The following ICE1 variants were observed in gnomAD, a reference collection of about 807,000 sequenced individuals.
ICE1 encodes the protein interactor of little elongation complex ELL subunit 1.
ICE1 carries 64 observed loss-of-function variants against 192.7 expected under a neutral mutation model. The observed-to-expected ratio is 0.33, with a 90% CI of 0.27 to 0.41. The LOEUF is 0.41. Ranked by LOEUF, ICE1 falls within the 10% of genes least tolerant of loss-of-function variation. The probability of loss-of-function intolerance (pLI) is 1.00; values close to 1 mark genes in which losing one functional copy is unlikely to be tolerated. For missense variants in ICE1, 2,708 were observed against 2,696.0 expected, an observed-to-expected ratio of 1.00 and a Z score of -0.10; for synonymous variants, 1,010 against 984.5, an observed-to-expected ratio of 1.03 and a Z score of -0.49.
intron 7 of ICE1, among the ~76,000 whole-genome samples, chr5:5,445,435 A>G (rs1047160740): frequency 1.3e-5 from 2 of 152,054 alleles, no homozygotes; most frequent in Non-Finnish European, 2.9e-5. Flanking sequence ...TTTTTTATTT[A>G]TCATATTTTA....
chr5:5,428,464 A>C (rs142504370), intron 1 of ICE1, among the ~76,000 whole-genome samples: 33 of 152,336 alleles, frequency 2.2e-4, no homozygotes, highest in African/African-American at 7.5e-4. Context: ...GATTTTTAAA[A>C]ATAATTTATT....
At position 5,461,773 on chromosome 5, in the gene ICE1, G is replaced by A; in HGVS notation, c.2439G>A (p.Gln813=). 1 of 1,613,872 alleles carries A rather than the reference G, an allele frequency of 6.2e-7. No individual in the cohort carries two copies. The highest frequency in any genetic ancestry group is 8.5e-7 in the Non-Finnish European group (1 of 1,179,798). ...TGAGAGCCAAATCAGAACATGAACA[G>A]AAGACTAGCCATCAGTTACAAAAGG... ...ESLRAKSEHE[Q]KTSHQLQKAM... Residue 813 remains glutamine, a synonymous_variant, in exon 13 of 19, where the codon CAG becomes CAA. Transcript: ENST00000296564.
In ICE1 at chr5:5,462,441, A is replaced by G; in HGVS notation, c.3107A>G (p.Asn1036Ser). ...RSGGEALAVA[N>S]DSTSTPQNAN... Reference sequence around the variant, plus strand: ...GGTGGTGAGGCCCTGGCTGTTGCAAATGATTCTACCAGCACACCACAAAAT... The same window carrying G: ...GGTGGTGAGGCCCTGGCTGTTGCAAGTGATTCTACCAGCACACCACAAAAT... The change falls in exon 13 of 19, where the codon AAT becomes AGT. Residue 1036 changes from asparagine to serine, a missense_variant. Asn to Ser is a conservative substitution (Grantham distance 46). This residue lies in a region of ICE1 where 2,366 missense variants were observed against 2,276.6 expected (regional missense o/e 1.04). Coordinates refer to ENST00000296564, the MANE Select transcript of ICE1 (RefSeq NM_015325.3). 1 of 1,614,024 alleles carries G rather than the reference A, an allele frequency of 6.2e-7. No individual in the cohort carries two copies. The highest frequency in any genetic ancestry group is 8.5e-7 in the Non-Finnish European group (1 of 1,179,900).
In ICE1 at chr5:5,489,428, A is replaced by G. The variant is rs951725528; in HGVS notation, c.*98A>G. 25 of 1,103,446 alleles carry G rather than the reference A, an allele frequency of 2.3e-5. No homozygotes were observed. Among genetic ancestry groups the G allele is most frequent in the Non-Finnish European group, 2.8e-5 (22 of 789,864 alleles). The allele number at this position is 1,103,446 out of a possible 1,614,324, so 68.4% of individuals were successfully genotyped here. ...ATACAAAGGGAGGTTTCAAAACAAA[A>G]AGACATAAAATAGATAAAACAGACC... On this transcript the variant is annotated 3_prime_UTR_variant, in exon 19 of 19. Coordinates refer to ENST00000296564, the MANE Select transcript of ICE1 (RefSeq NM_015325.3).
intron 15 of ICE1, among the ~76,000 whole-genome samples, chr5:5,470,850 A>G (rs1467129486): frequency 1.3e-5 from 2 of 152,234 alleles, no homozygotes; most frequent in Non-Finnish European, 2.9e-5. Context: ...TATGCAAAGT[A>G]AAATCACAGT....
intron 1 of ICE1, among the ~76,000 whole-genome samples, chr5:5,428,426 C>T (rs1438730574): frequency 6.6e-6 from 1 of 151,994 alleles, no homozygotes; most frequent in Non-Finnish European, 1.5e-5. Context: ...CAGATCTCTC[C>T]CAGCAAAGCA....
rs1739731773 is a variant in ICE1, at chr5:5,489,546, G to T, written c.*216G>T. 8 of 451,122 alleles carry T rather than the reference G, an allele frequency of 1.8e-5. No individual in the cohort carries two copies. The highest frequency in any genetic ancestry group is 3.1e-5 in the Non-Finnish European group (8 of 258,402). The allele number at this position is 451,122 out of a possible 1,614,324, so 27.9% of individuals were successfully genotyped here. On this transcript the variant is annotated 3_prime_UTR_variant, in exon 19 of 19. Transcript: ENST00000296564. ...AATCTAATACGTTTCACTTAAGGCT[G>T]TTGTGATCTGTGACATATGGGTTAT...
chr5:5,439,832 AG>A, intron 3 of ICE1, 62 bp from the exon 4 acceptor site: 4 of 1,067,650 alleles, frequency 3.7e-6, no homozygotes, highest in Non-Finnish European at 5.4e-6. Context: ...TTGTAAAGTG[AG>A]TTTTATCTCC....
chr5:5,456,489 A>T (rs570410078), intron 11 of ICE1, among the ~76,000 whole-genome samples: 2 of 152,136 alleles, frequency 1.3e-5, no homozygotes, highest in Non-Finnish European at 2.9e-5. Context: ...AGTCTCATAG[A>T]TATTTATTTT....
chr5:5,426,787 C>T (rs1737533359), intron 1 of ICE1, among the ~76,000 whole-genome samples: 2 of 152,180 alleles, frequency 1.3e-5, no homozygotes, highest in Admixed American at 1.3e-4. Context: ...TAGATAACCG[C>T]TTTTTGGAAA....
chr5:5,473,244 A>G (rs1038124639), intron 15 of ICE1, among the ~76,000 whole-genome samples: 3 of 152,234 alleles, frequency 2.0e-5, no homozygotes, highest in African/African-American at 7.2e-5. Flanking sequence ...AATTATAACT[A>G]GCTTTCTAAC....
chr5:5,479,823 A>G (rs1054976866), intron 17 of ICE1, among the ~76,000 whole-genome samples: 1 of 152,200 alleles, frequency 6.6e-6, no homozygotes, highest in African/African-American at 2.4e-5. Flanking sequence ...CATCATTCTC[A>G]GCAAACTAAC....
At chr5:5,452,357 A>G (rs902335514) in intron 10 of ICE1, among the ~76,000 whole-genome samples, 2 of 152,032 alleles carry the variant, frequency 1.3e-5, no homozygotes, top group Admixed American at 1.3e-4. Flanking sequence ...GTGCTGGCAT[A>G]TACAATGAAC....
At chr5:5,452,566 A>G (rs1197372156) in intron 10 of ICE1, among the ~76,000 whole-genome samples, 1 of 152,138 alleles carries the variant, frequency 6.6e-6, no homozygotes, top group Non-Finnish European at 1.5e-5. Flanking sequence ...GAGAAGATTC[A>G]AAGCATAAAG....
At position 5,461,941 on chromosome 5, in the gene ICE1, G is replaced by A; in HGVS notation, c.2607G>A (p.Lys869=). 6.2e-7 allele frequency: 1 copy of A among 1,613,902 alleles called. No homozygotes were observed. ...SVITKQTRPE[K]VQSAKLEHLR... ...TCACAAAACAGACAAGACCTGAAAA[G>A]GTTCAGAGTGCCAAATTGGAACACT... The change falls in exon 13 of 19, where the codon AAG becomes AAA. Residue 869 remains lysine, a synonymous_variant. Transcript: ENST00000296564.
At chr5:5,469,847 C>T (rs1459948190) in intron 15 of ICE1, among the ~76,000 whole-genome samples, 1 of 152,100 alleles carries the variant, frequency 6.6e-6, no homozygotes, top group Non-Finnish European at 1.5e-5. Context: ...AGAGTAGATT[C>T]ATGTGAGGTA....
chr5:5,434,479 A>G (rs1268874241), intron 1 of ICE1, among the ~76,000 whole-genome samples: 1 of 151,936 alleles, frequency 6.6e-6, no homozygotes, highest in Non-Finnish European at 1.5e-5. Context: ...TTTTGTGTGT[A>G]TGTTTATAAG....
At chr5:5,433,046 T>G (rs1737767617) in intron 1 of ICE1, among the ~76,000 whole-genome samples, 1 of 152,160 alleles carries the variant, frequency 6.6e-6, no homozygotes, top group African/African-American at 2.4e-5. Flanking sequence ...TACCTTTAGA[T>G]ATTATCTGTA....
intron 16 of ICE1, 146 bp from the exon 17 acceptor site, chr5:5,475,827 C>T: frequency 1.6e-6 from 1 of 609,972 alleles, no homozygotes; most frequent in Admixed American, 3.4e-5. Context: ...AAGATGTGAG[C>T]ATCCAGTATC....
Sources: gnomAD v4.1 joint callset for allele counts (sites outside exome capture counted in the v4.1 genomes callset) on GRCh38, gnomAD v4.1.1 for gene constraint, gnomAD v4.1.1 regional missense constraint, MANE v1.5 for transcripts, NCBI Gene and HGNC (gene_info 2026-07-23, HGNC 2026-07-21) for gene names.